SAMD5: variants seen among roughly 807,000 people sequenced by gnomAD.
The protein encoded by SAMD5 is sterile alpha motif domain containing 5, also known as sterile alpha motif domain-containing protein 5.
In SAMD5, 13 loss-of-function variants were observed where a neutral mutation model predicts 11.3. The ratio of observed to expected loss-of-function variants is 1.15; its 90% CI spans 0.75 to 1.83. SAMD5 has a LOEUF of 1.83. Ranked by LOEUF, SAMD5 falls within the 40% of genes most tolerant of loss-of-function variation. The probability of loss-of-function intolerance (pLI) is 0.00; values close to 1 mark genes in which losing one functional copy is unlikely to be tolerated. For synonymous variants in SAMD5, 129 were observed against 111.3 expected (o/e 1.16, Z -1.00); for missense variants, 255 against 239.1 (o/e 1.07, Z -0.44).
At chr6:147,519,216 G>T (rs1011502077) in intron 1 of SAMD5, among the ~76,000 whole-genome samples, 1 of 152,134 alleles carries the variant, frequency 6.6e-6, no homozygotes, top group Non-Finnish European at 1.5e-5. Flanking sequence ...AGAATATAAT[G>T]TAACTTTATA....
intron 1 of SAMD5, among the ~76,000 whole-genome samples, chr6:147,699,518 A>G (rs963224251): frequency 6.6e-6 from 1 of 152,140 alleles, no homozygotes; most frequent in African/African-American, 2.4e-5. Context: ...AGTGAACTAA[A>G]CAGCTGGGGG....
chr6:147,933,204 A>G, the SAMD5 span, among the ~76,000 whole-genome samples: 1 of 152,208 alleles, frequency 6.6e-6, no homozygotes, highest in Non-Finnish European at 1.5e-5. Flanking sequence ...ACATTAGAAC[A>G]ATGAGTGAAG....
the SAMD5 span, among the ~76,000 whole-genome samples, chr6:147,816,301 A>ATATATATATATATATATATAT: frequency 3.0e-5 from 2 of 66,360 alleles, no homozygotes; most frequent in Non-Finnish European, 4.8e-5. Context: ...AAAAAAAAAA[A>ATATATATATATATATATATAT]ATATATATAT....
At chr6:147,603,331 G>C (rs924037266) in intron 1 of SAMD5, among the ~76,000 whole-genome samples, 10 of 152,088 alleles carry the variant, frequency 6.6e-5, no homozygotes, top group Non-Finnish European at 1.3e-4. Flanking sequence ...TGAGCATGGA[G>C]GTATATATAG....
At chr6:147,529,316 T>C (rs1253574424) in intron 1 of SAMD5, among the ~76,000 whole-genome samples, 1 of 152,208 alleles carries the variant, frequency 6.6e-6, no homozygotes, top group African/African-American at 2.4e-5. Flanking sequence ...TCTAACCTTA[T>C]CAATTAAGAC....
intron 1 of SAMD5, among the ~76,000 whole-genome samples, chr6:147,626,647 C>T (rs1790054369): frequency 6.6e-6 from 1 of 151,570 alleles, no homozygotes; most frequent in South Asian, 2.1e-4. Context: ...AGAACCAATG[C>T]CTTAAAATAA....
chr6:147,791,822 G>A, the SAMD5 span, among the ~76,000 whole-genome samples: 1 of 152,114 alleles, frequency 6.6e-6, no homozygotes, highest in African/African-American at 2.4e-5. Context: ...ATTACTAGCT[G>A]AGGAAGCCAG....
chr6:147,576,027 G>T (rs1182509082), intron 1 of SAMD5, among the ~76,000 whole-genome samples: 1 of 152,022 alleles, frequency 6.6e-6, no homozygotes, highest in Non-Finnish European at 1.5e-5. Flanking sequence ...GCAGGAGTTT[G>T]TTCTCACTGC....
chr6:147,733,315 G>A (rs1791744591), intron 1 of SAMD5, among the ~76,000 whole-genome samples: 1 of 152,118 alleles, frequency 6.6e-6, no homozygotes, highest in African/African-American at 2.4e-5. Context: ...ATTTTACTTG[G>A]GTAGTGTATT....
chr6:147,850,090 T>A, the SAMD5 span, among the ~76,000 whole-genome samples: 1 of 152,242 alleles, frequency 6.6e-6, no homozygotes, highest in African/African-American at 2.4e-5. Flanking sequence ...CCTTTATTTT[T>A]ATATAAAAAT....
the SAMD5 span, among the ~76,000 whole-genome samples, chr6:147,770,960 G>A: frequency 6.6e-6 from 1 of 152,128 alleles, no homozygotes; most frequent in African/African-American, 2.4e-5. Context: ...AAATCCTCAG[G>A]CATTTGAAAG....
chr6:147,533,477 A>AG (rs1333782395), intron 1 of SAMD5, among the ~76,000 whole-genome samples: 19 of 150,668 alleles, frequency 1.3e-4, no homozygotes, highest in Middle Eastern at 3.4e-3. Context: ...AAAAAAAAAA[A>AG]AAAGAAAGAA....
At chr6:147,771,946 A>G in the SAMD5 span, among the ~76,000 whole-genome samples, 2 of 152,222 alleles carry the variant, frequency 1.3e-5, no homozygotes, top group African/African-American at 4.8e-5. Flanking sequence ...TAAGTGCTCA[A>G]TAAACATTTA....
the SAMD5 span, among the ~76,000 whole-genome samples, chr6:147,763,852 G>A: frequency 6.6e-6 from 1 of 152,172 alleles, no homozygotes; most frequent in Non-Finnish European, 1.5e-5. Context: ...AAAGTGCTGG[G>A]ATTACAGGCA....
intron 1 of SAMD5, among the ~76,000 whole-genome samples, chr6:147,626,690 T>G (rs1046358): frequency 6.6e-6 from 1 of 150,718 alleles, no homozygotes; most frequent in African/African-American, 2.4e-5. Flanking sequence ...GTGGTGGCTC[T>G]TCTCTGTAAT....
At chr6:147,685,259 C>T (rs1168760614) in intron 1 of SAMD5, among the ~76,000 whole-genome samples, 2 of 152,088 alleles carry the variant, frequency 1.3e-5, no homozygotes, top group South Asian at 2.1e-4. Context: ...TGCAATGGTG[C>T]GATCTCGGCT....
intron 1 of SAMD5, among the ~76,000 whole-genome samples, chr6:147,605,703 T>A (rs1789689439): frequency 6.6e-6 from 1 of 152,150 alleles, no homozygotes; most frequent in East Asian, 1.9e-4. Flanking sequence ...AGAATTCACA[T>A]TAATTTAATT....
At chr6:147,788,040 C>T in the SAMD5 span, among the ~76,000 whole-genome samples, 4 of 152,156 alleles carry the variant, frequency 2.6e-5, no homozygotes, top group Non-Finnish European at 2.9e-5. Context: ...TTGAAAAAGT[C>T]TGCTTGGATG....
At chr6:147,537,474 T>A (rs1221974532) in intron 1 of SAMD5, among the ~76,000 whole-genome samples, 1 of 152,010 alleles carries the variant, frequency 6.6e-6, no homozygotes, top group African/African-American at 2.4e-5. Flanking sequence ...GAAAACCGGC[T>A]GGGCGCGGTG....
Sources: allele counts gnomAD v4.1 joint callset (sites outside exome capture counted in the v4.1 genomes callset), GRCh38; gene constraint gnomAD v4.1.1; transcripts MANE v1.5; gene names NCBI Gene and HGNC (gene_info 2026-07-23, HGNC 2026-07-21).